Variants in GCNT1 observed in about 807,000 individuals in gnomAD.
GCNT1 encodes the protein glucosaminyl (N-acetyl) transferase 1, also known as beta-1,3-galactosyl-O-glycosyl-glycoprotein beta-1,6-N-acetylglucosaminyltransferase.
GCNT1 carries 16 observed loss-of-function variants against 26.2 expected under a neutral mutation model. The ratio of observed to expected loss-of-function variants is 0.61; its 90% confidence interval spans 0.41 to 0.93. The LOEUF (loss-of-function observed/expected upper bound fraction) is 0.93. Among genes scored for constraint, GCNT1 ranks in the 40% least tolerant of loss-of-function variants. GCNT1 has a pLI of 0.00. For synonymous variants in GCNT1, 183 were observed against 190.8 expected, an observed-to-expected ratio of 0.96 and a Z score of 0.34; for missense variants, 477 against 526.7, an observed-to-expected ratio of 0.91 and a Z score of 0.92.
chr9:76,439,082 G>A (rs79269732), upstream of GCNT1, among the ~76,000 whole-genome samples: 1 of 152,202 alleles, frequency 6.6e-6, no homozygotes, highest in African/African-American at 2.4e-5. Context: ...ATTTCTATGA[G>A]AGTGTTGTAA....
At chr9:76,496,425 G>A (rs1824908123) in intron 2 of GCNT1, among the ~76,000 whole-genome samples, 1 of 152,212 alleles carries the variant, frequency 6.6e-6, no homozygotes, top group Non-Finnish European at 1.5e-5. Flanking sequence ...CCGCCTGTCA[G>A]CCTGGGATTT....
chr9:76,453,563 A>C (rs751698941), intron 1 of GCNT1, among the ~76,000 whole-genome samples: 5 of 152,198 alleles, frequency 3.3e-5, no homozygotes, highest in Non-Finnish European at 7.3e-5. Context: ...AGAGTTACCC[A>C]TGGCATTAGT....
At chr9:76,423,318 C>T (rs1332554837) in intron 1 of GCNT1, among the ~76,000 whole-genome samples, 1 of 152,166 alleles carries the variant, frequency 6.6e-6, no homozygotes, top group African/African-American at 2.4e-5. Flanking sequence ...AGAATTCCAA[C>T]GTCATGAATG....
chr9:76,419,022 G>T (rs989393189), upstream of GCNT1, among the ~76,000 whole-genome samples: 2 of 152,300 alleles, frequency 1.3e-5, no homozygotes, highest in East Asian at 3.9e-4. Flanking sequence ...CTGGAGGGGG[G>T]TGTCAGAGAG....
intron 2 of GCNT1, among the ~76,000 whole-genome samples, chr9:76,496,895 C>T (rs1824922238): frequency 6.6e-6 from 1 of 152,130 alleles, no homozygotes; most frequent in African/African-American, 2.4e-5. Context: ...AGGAAGTCTC[C>T]TCTTCCAGGA....
the GCNT1 span, chr9:76,399,580 G>A: frequency 8.0e-7 from 1 of 1,242,698 alleles, no homozygotes; most frequent in Non-Finnish European, 1.2e-6. Flanking sequence ...CCACTGACTG[G>A]TCTTAAGCTG....
chr9:76,490,573 T>C (rs1824705226), intron 2 of GCNT1, among the ~76,000 whole-genome samples: 2 of 152,222 alleles, frequency 1.3e-5, no homozygotes, highest in South Asian at 4.1e-4. Context: ...TAGCGAACTT[T>C]ACTTTTGTTG....
Position 76,502,686 on chromosome 9 carries a change from C to T in GCNT1, c.305C>T (p.Ser102Phe), listed in dbSNP as rs1281751227. The T allele has an allele frequency of 5.0e-6, 8 of 1,614,030 alleles. No individual in the cohort carries two copies. The highest frequency in any genetic ancestry group is 6.8e-6 in the Non-Finnish European group (8 of 1,180,016). Reference protein sequence around the residue: ...DYINMTSDCSSFIKRRKYIVE... With the variant: ...DYINMTSDCSFFIKRRKYIVE... ...ATAAACATGACCAGTGACTGTTCTT[C>T]TTTCATCAAGAGACGCAAATATATT... The change falls in exon 4 of 4, where the codon TCT becomes TTT. Residue 102 changes from serine to phenylalanine, a missense_variant. Transcript: ENST00000376730.
At chr9:76,500,640 T>A (rs1825038941) in intron 2 of GCNT1, among the ~76,000 whole-genome samples, 1 of 152,228 alleles carries the variant, frequency 6.6e-6, no homozygotes, top group Non-Finnish European at 1.5e-5. Context: ...GTTAAACTGT[T>A]CCTTGGTATA....
chr9:76,439,212 C>CTTTTCT (rs1308370429), upstream of GCNT1, among the ~76,000 whole-genome samples: 15 of 142,954 alleles, frequency 1.0e-4, no homozygotes, highest in South Asian at 2.2e-4. Context: ...TCTGTGTTTT[C>CTTTTCT]TTTTCTTTTT....
At chr9:76,475,201 C>A (rs989708487) in intron 2 of GCNT1, among the ~76,000 whole-genome samples, 13 of 152,194 alleles carry the variant, frequency 8.5e-5, no homozygotes, top group Non-Finnish European at 2.9e-5. Context: ...AATTCAATAA[C>A]TGTACCAAAA....
chr9:76,417,730 C>A (rs1564217463), upstream of GCNT1, among the ~76,000 whole-genome samples: 1 of 152,166 alleles, frequency 6.6e-6, no homozygotes, highest in Non-Finnish European at 1.5e-5. Context: ...GTTGTACAGG[C>A]ATTTTCAGTT....
At chr9:76,404,972 C>T in the GCNT1 span, among the ~76,000 whole-genome samples, 2 of 151,862 alleles carry the variant, frequency 1.3e-5, no homozygotes, top group Admixed American at 1.3e-4. Context: ...TGTACACCAC[C>T]ATGCCTGGCT....
chr9:76,394,836 C>T, the GCNT1 span, among the ~76,000 whole-genome samples: 10 of 152,336 alleles, frequency 6.6e-5, no homozygotes, highest in African/African-American at 1.4e-4. Context: ...AGGCATCGCT[C>T]GTTCCGTTCG....
intron 2 of GCNT1, among the ~76,000 whole-genome samples, chr9:76,496,460 C>T (rs923041211): frequency 5.3e-5 from 8 of 152,116 alleles, no homozygotes; most frequent in Non-Finnish European, 1.0e-4. Flanking sequence ...TCAGTTTCCT[C>T]TCGTCCATCT....
chr9:76,455,715 C>A (rs1051241459), upstream of GCNT1, among the ~76,000 whole-genome samples: 3 of 152,178 alleles, frequency 2.0e-5, no homozygotes, highest in African/African-American at 7.2e-5. Context: ...GATTCTCGTG[C>A]CTCAGCCTCC....
intron 2 of GCNT1, among the ~76,000 whole-genome samples, chr9:76,475,089 A>T (rs531889627): frequency 1.3e-5 from 2 of 152,238 alleles, no homozygotes; most frequent in African/African-American, 4.8e-5. Context: ...CTCTGAACAT[A>T]CTGAGGTGCA....
chr9:76,428,103 A>G (rs1823279847), intron 1 of GCNT1, among the ~76,000 whole-genome samples: 1 of 151,886 alleles, frequency 6.6e-6, no homozygotes, highest in African/African-American at 2.4e-5. Flanking sequence ...CATCTCTACT[A>G]AAAATACAAA....
At chr9:76,463,866 T>C (rs545017106) in intron 2 of GCNT1, among the ~76,000 whole-genome samples, 2 of 152,108 alleles carry the variant, frequency 1.3e-5, no homozygotes, top group Non-Finnish European at 2.9e-5. Context: ...GGAGAGGGAC[T>C]GTTCAGGGAA....
Sources: allele counts gnomAD v4.1 joint callset (sites outside exome capture counted in the v4.1 genomes callset), GRCh38; gene constraint gnomAD v4.1.1; transcripts MANE v1.5; gene names NCBI Gene and HGNC (gene_info 2026-07-23, HGNC 2026-07-21).